HMCN2: variants seen among roughly 807,000 people sequenced by gnomAD.
The protein encoded by HMCN2 is hemicentin 2.
Under a neutral mutation model 377.5 loss-of-function variants are expected in HMCN2, and 325 were observed. The ratio of observed to expected loss-of-function variants is 0.86; its 90% CI spans 0.79 to 0.94. HMCN2 has a LOEUF of 0.94. Ranked by LOEUF, HMCN2 falls within the 40% of genes least tolerant of loss-of-function variation. The pLI, the probability that HMCN2 is intolerant of heterozygous loss-of-function variation, is 0.00. For synonymous variants in HMCN2, 2,007 were observed against 2,046.8 expected, an observed-to-expected ratio of 0.98 and a Z score of 0.53; for missense variants, 4,543 against 4,725.3, an observed-to-expected ratio of 0.96 and a Z score of 1.13.
At chr9:130,342,819 T>C (rs1296230980) in intron 25 of HMCN2, among the ~76,000 whole-genome samples, 1 of 152,064 alleles carries the variant, frequency 6.6e-6, no homozygotes, top group Non-Finnish European at 1.5e-5. Context: ...CCTCTCCCCA[T>C]GCCCCTGACT....
intron 1 of HMCN2, among the ~76,000 whole-genome samples, chr9:130,277,364 T>A (rs566514305): frequency 5.9e-5 from 9 of 152,280 alleles, no homozygotes; most frequent in African/African-American, 2.2e-4. Context: ...CAGTCCTGAA[T>A]CTCCCTCCCT....
chr9:130,405,316 A>G (rs1340410164), intron 81 of HMCN2, among the ~76,000 whole-genome samples: 1 of 152,250 alleles, frequency 6.6e-6, no homozygotes, highest in Non-Finnish European at 1.5e-5. Context: ...ACTAGGGCTC[A>G]GGGATACGGT....
rs531360196 is a variant in HMCN2, at chr9:130,394,798, GA to G, written c.10692+224del. On this transcript the variant is annotated intron_variant, in intron 69 of 97. Transcript: ENST00000683500. This position sits in a 1 kb window ranked among gnomAD's most constrained non-coding sequence, Gnocchi z 5.1. ...AAACCAGGTGACCCCATCTAGGCCA[GA>G]GGAGGGCTGGTGCAGTTAAGGGGGA... 4.8e-4 allele frequency among the ~76,000 whole-genome samples: 73 copies of G among 152,344 alleles called. No homozygotes were observed. The highest frequency in any genetic ancestry group is 2.5e-3 in the South Asian group (12 of 4,828).
At position 130,351,269 on chromosome 9, in the gene HMCN2, A is replaced by G. The variant is rs904349836; in HGVS notation, c.4431-154A>G. On this transcript the variant is annotated intron_variant, in intron 29 of 97. Coordinates refer to ENST00000683500, the MANE Select transcript of HMCN2 (RefSeq NM_001291815.2). The surrounding 1 kb of genome is among the most constrained non-coding windows in gnomAD (Gnocchi z 5.4). ...TGGACGGACCACACGTTGTTGATCCATTCCTCGCTTACTGGGCCTTTGCAT... is the reference window on the plus strand; with the variant it reads ...TGGACGGACCACACGTTGTTGATCCGTTCCTCGCTTACTGGGCCTTTGCAT... 1.3e-5 allele frequency among the ~76,000 whole-genome samples: 2 copies of G among 152,156 alleles called. No homozygotes were observed. The highest frequency in any genetic ancestry group is 3.8e-4 in the East Asian group (2 of 5,198).
intron 72 of HMCN2, 32 bp downstream of exon 72, chr9:130,396,097 C>CCCCCAAAA: frequency 8.1e-7 from 1 of 1,237,038 alleles, no homozygotes; most frequent in Non-Finnish European, 1.0e-6. Flanking sequence ...CCACCCTGCC[C>CCCCCAAAA]ACCTTACCCC....
Position 130,427,300 on chromosome 9 carries a change from CTT to C in HMCN2, c.13880-11_13880-10del. ...CCCTCATGTCCTTAGAGTCTATCCT[CTT>C]TGCTTTGCAGAGGAGAACGAGGTCG... On this transcript the variant is annotated splice_polypyrimidine_tract_variant and intron_variant, in intron 90 of 97. Coordinates refer to ENST00000683500, the MANE Select transcript of HMCN2 (RefSeq NM_001291815.2). The C allele has an allele frequency of 1.3e-6, 2 of 1,550,514 alleles. No homozygotes were observed. Among genetic ancestry groups the C allele is most frequent in the Non-Finnish European group, 1.7e-6 (2 of 1,146,990 alleles).
Position 130,403,200 on chromosome 9 carries a change from C to T in HMCN2, c.11885C>T (p.Pro3962Leu), listed in dbSNP as rs575401050. 1.9e-5 allele frequency: 25 copies of T among 1,289,170 alleles called. No individual in the cohort carries two copies. The highest frequency in any genetic ancestry group is 9.1e-5 in the African/African-American group (6 of 65,986). 79.9% of individuals were successfully genotyped at this position (1,289,170 alleles called of 1,614,324 possible). A position where few individuals can be genotyped will look rare whatever the true frequency, so the allele number is the denominator to read the frequency against. Reference protein sequence around the residue: ...KHVFLTVQASPVVKPLPSVVR... With the variant: ...KHVFLTVQASLVVKPLPSVVR... ...GCACCCCCGTCCTTTGTAGCCTCCC[C>T]GGTGGTGAAGCCGCTGCCCAGCGTG... Residue 3962 changes from proline to leucine, a missense_variant, in exon 79 of 98, where the codon CCG becomes CTG. This residue lies in a region of HMCN2 where 1,073 missense variants were observed against 1,319.5 expected (regional missense o/e 0.81). Coordinates refer to ENST00000683500, the MANE Select transcript of HMCN2 (RefSeq NM_001291815.2).
intron 57 of HMCN2, among the ~76,000 whole-genome samples, chr9:130,383,871 A>C (rs753664649): frequency 1.1e-4 from 16 of 152,294 alleles, no homozygotes; most frequent in African/African-American, 3.6e-4. Flanking sequence ...GAGGCTGAGC[A>C]CTTTCCCTGG....
In HMCN2 at chr9:130,299,191, C is replaced by T. The variant is rs537040968; in HGVS notation, c.1179C>T (p.Thr393=). ...HQLWGGPPFH[T]PKERFYLKVK... ...TGTGGGGCGGGCCGCCCTTCCACAC[C>T]CCCAAGGAGCGCTTCTACCTCAAGG... Residue 393 remains threonine (T), a synonymous_variant, in exon 8 of 98, where the codon ACC becomes ACT. Coordinates refer to ENST00000683500, the MANE Select transcript of HMCN2 (RefSeq NM_001291815.2). The T allele has an allele frequency of 5.7e-5, 27 of 471,184 alleles. No homozygotes were observed. The East Asian group carries it at 1.8e-3, about 32-fold the overall frequency. The allele number at this position is 471,184 out of a possible 1,614,324, so 29.2% of individuals were successfully genotyped here. A position where few individuals can be genotyped will look rare whatever the true frequency, so the allele number is the denominator to read the frequency against.
In HMCN2 at chr9:130,351,550, G is replaced by A. The variant is rs1368275766; in HGVS notation, c.4558G>A (p.Ala1520Thr). ...CVAFSPAGQQ[A>T]RDFQLRVHAP... The stretch of plus-strand genomic sequence containing the variant: ...GGCCTTCAGCCCAGCTGGTCAGCAG[G>A]CCAGGGACTTCCAGCTCCGAGTTCA... Residue 1520 changes from alanine (A) to threonine (T), a missense_variant, in exon 30 of 98, where the codon GCC becomes ACC. By Grantham distance (58) the Ala-to-Thr change is moderately conservative. This residue lies in a region of HMCN2 where 1,032 missense variants were observed against 1,285.1 expected (regional missense o/e 0.80). Transcript: ENST00000683500. The surrounding 1 kb of genome is among the most constrained non-coding windows in gnomAD (Gnocchi z 5.4). The A allele has an allele frequency of 7.7e-7, 1 of 1,303,864 alleles. No homozygotes were observed. The highest frequency in any genetic ancestry group is 1.5e-5 in the African/African-American group (1 of 65,984). 80.8% of individuals were successfully genotyped at this position (1,303,864 alleles called of 1,614,324 possible). A position where few individuals can be genotyped will look rare whatever the true frequency, so the allele number is the denominator to read the frequency against.
rs959226112 is a variant in HMCN2 at position 130,352,944 on chromosome 9, G to T, written c.4603G>T (p.Gly1535Cys). The T allele has an allele frequency of 3.1e-6, 4 of 1,291,370 alleles. No homozygotes were observed. Among genetic ancestry groups the T allele is most frequent in the Non-Finnish European group, 4.1e-6 (4 of 981,636 alleles). The allele number at this position is 1,291,370 out of a possible 1,614,324, so 80.0% of individuals were successfully genotyped here. The change falls in exon 31 of 98, where the codon GGC (glycine) becomes TGC (cysteine). Residue 1535 changes from glycine (G) to cysteine (C), a missense_variant. Gly to Cys is a radical substitution (Grantham distance 159). Transcript: ENST00000683500. ...LRVHAPPTIWGSNETGEVAVM... is the reference protein window; with the variant it reads ...LRVHAPPTIWCSNETGEVAVM... ...CTTCTCAGCGCCCCCCACTATCTGG[G>T]GCTCCAACGAGACAGGCGAGGTGGC...
In HMCN2 at chr9:130,287,551, TAAAAAAAAAAAA is replaced by T. The variant is rs142931668; in HGVS notation, c.612+1257_612+1268del. 1.7e-3 allele frequency among the ~76,000 whole-genome samples: 158 copies of T among 93,294 alleles called. 1 individual carries two copies. The highest frequency in any genetic ancestry group is 7.5e-3 in the African/African-American group (155 of 20,560). 61.2% of individuals were successfully genotyped at this position (93,294 alleles called of 152,430 possible). ...GGGCAACAAGAGTGAAACTCTGTCTTAAAAAAAAAAAAAAAAAAAAAAAAAAAGATTAGGTCT... is the reference window on the plus strand; with the variant it reads ...GGGCAACAAGAGTGAAACTCTGTCTTAAAAAAAAAAAAAAAGATTAGGTCT... On this transcript the variant is annotated intron_variant, in intron 4 of 97. Coordinates refer to ENST00000683500, the MANE Select transcript of HMCN2 (RefSeq NM_001291815.2).
At chr9:130,330,944 A>G (rs1158069382) in intron 22 of HMCN2, among the ~76,000 whole-genome samples, 1 of 149,586 alleles carries the variant, frequency 6.7e-6, no homozygotes, top group Non-Finnish European at 1.5e-5. Context: ...CCTGGCCAAC[A>G]TGGTGAAACC....
chr9:130,422,566 C>A lies in HMCN2; in HGVS notation c.13232-11C>A. 1 of 1,316,594 alleles carries A rather than the reference C, an allele frequency of 7.6e-7. No homozygotes were observed. Among genetic ancestry groups the A allele is most frequent in the Non-Finnish European group, 9.7e-7 (1 of 1,026,272 alleles). The allele number at this position is 1,316,594 out of a possible 1,614,324, so 81.6% of individuals were successfully genotyped here. The stretch of plus-strand genomic sequence containing the variant: ...AGTCAGTGGCACTGTCATTCTTTCC[C>A]TTCCTTACAGGGGAGCCCCAGGGGA... On this transcript the variant is annotated splice_polypyrimidine_tract_variant and intron_variant, in intron 86 of 97. Coordinates refer to ENST00000683500, the MANE Select transcript of HMCN2 (RefSeq NM_001291815.2). This position sits in a 1 kb window ranked among gnomAD's most constrained non-coding sequence, Gnocchi z 4.2.
In HMCN2 at chr9:130,360,934, A is replaced by C. The variant is rs1840356196; in HGVS notation, c.5950+330A>C. ...CATTTATCCACCCAACCATCCTTTC[A>C]TTCATTTATCTACCCACCTGTCTGC... On this transcript the variant is annotated intron_variant, in intron 38 of 97. Coordinates refer to ENST00000683500, the MANE Select transcript of HMCN2 (RefSeq NM_001291815.2). The surrounding 1 kb of genome is among the most constrained non-coding windows in gnomAD (Gnocchi z 4.7). Among the ~76,000 whole-genome samples the C allele has an allele frequency of 6.6e-6, 1 of 150,924 alleles. No homozygotes were observed. The highest frequency in any genetic ancestry group is 2.4e-5 in the African/African-American group (1 of 40,870).
chr9:130,379,071 G>T (rs1271863450), intron 53 of HMCN2, among the ~76,000 whole-genome samples, 178 bp from the exon 54 acceptor site: 1 of 152,148 alleles, frequency 6.6e-6, no homozygotes, highest in Non-Finnish European at 1.5e-5. Context: ...GCACATACTA[G>T]TTGCTCAATA....
chr9:130,312,123 G>A (rs1302853097), intron 15 of HMCN2, among the ~76,000 whole-genome samples: 2 of 152,182 alleles, frequency 1.3e-5, no homozygotes, highest in South Asian at 4.1e-4. Context: ...GAGGTTTCAT[G>A]TCTTGCCCAA....
In HMCN2 at chr9:130,358,391, T is replaced by A; in HGVS notation, c.5582T>A (p.Ile1861Asn). The change falls in exon 36 of 98, where the codon ATT becomes AAT. Residue 1861 changes from isoleucine to asparagine, a missense_variant and splice_region_variant. Physicochemically the swap from Ile to Asn is moderately radical, Grantham distance 149 (BLOSUM62 -3). Coordinates refer to ENST00000683500, the MANE Select transcript of HMCN2 (RefSeq NM_001291815.2). ...TACTCTCTGCCCCCTCCCCTCCAGA[T>A]TGAGAAGGTGGACCTGAGGGACGAG... ...ALAAFGGNLQIEKVDLRDEGI... is the reference protein window; with the variant it reads ...ALAAFGGNLQNEKVDLRDEGI... The A allele has an allele frequency of 7.7e-7, 1 of 1,304,150 alleles. No individual in the cohort carries two copies. Among genetic ancestry groups the A allele is most frequent in the Non-Finnish European group, 1.0e-6 (1 of 988,870 alleles). The allele number at this position is 1,304,150 out of a possible 1,614,324, so 80.8% of individuals were successfully genotyped here.
intron 22 of HMCN2, among the ~76,000 whole-genome samples, chr9:130,331,242 A>G (rs1282037742): frequency 1.3e-5 from 2 of 151,720 alleles, no homozygotes; most frequent in African/African-American, 4.8e-5. Context: ...GGGCACGGCC[A>G]TGTTGCCAGC....
Sources: allele counts gnomAD v4.1 joint callset (sites outside exome capture counted in the v4.1 genomes callset), GRCh38; gene constraint gnomAD v4.1.1; regional missense constraint gnomAD v4.1.1; non-coding constraint Gnocchi (gnomAD v3.1); transcripts MANE v1.5; gene names NCBI Gene and HGNC (gene_info 2026-07-23, HGNC 2026-07-21).